Variants in DNER observed in about 807,000 individuals in gnomAD.
The protein encoded by DNER is delta and Notch-like epidermal growth factor-related receptor.
In DNER, 33 loss-of-function variants were observed where a neutral mutation model predicts 78.2. That is an observed-to-expected ratio of 0.42 (90% CI 0.32 to 0.56). DNER has a LOEUF of 0.56. Among genes scored for constraint, DNER ranks in the 20% least tolerant of loss-of-function variants. The pLI is 0.11. For synonymous variants in DNER, 417 were observed against 384.8 expected (o/e 1.08, Z -0.98); for missense variants, 918 against 975.3 (o/e 0.94, Z 0.78).
chr2:229,638,108 C>T (rs1306479641), intron 1 of DNER, among the ~76,000 whole-genome samples: 2 of 152,120 alleles, frequency 1.3e-5, no homozygotes, highest in Admixed American at 6.5e-5. Flanking sequence ...GAAAAAATTA[C>T]AGTGGTTTAT....
chr2:229,460,851 C>T (rs192091569), intron 7 of DNER, among the ~76,000 whole-genome samples: 58 of 143,872 alleles, frequency 4.0e-4, no homozygotes, highest in Admixed American at 1.0e-3. Flanking sequence ...CAAAATTTAA[C>T]GGAGACCACA....
At chr2:229,651,793 G>A (rs1190254836) in intron 1 of DNER, among the ~76,000 whole-genome samples, 1 of 152,208 alleles carries the variant, frequency 6.6e-6, no homozygotes, top group Non-Finnish European at 1.5e-5. Context: ...GAAGCAACTA[G>A]CAATCAAACA....
intron 11 of DNER, among the ~76,000 whole-genome samples, chr2:229,380,004 A>T (rs1692698868): frequency 6.6e-6 from 1 of 152,230 alleles, no homozygotes; most frequent in Non-Finnish European, 1.5e-5. Flanking sequence ...GGGGAGGCCT[A>T]TAACAATTAC....
chr2:229,491,941 TG>T (rs1030324756), intron 6 of DNER, among the ~76,000 whole-genome samples: 12 of 144,060 alleles, frequency 8.3e-5, no homozygotes, highest in Admixed American at 3.6e-4. Flanking sequence ...TTCCCATTTT[TG>T]CCATGATTAC....
chr2:229,460,721 G>A (rs1321544668), intron 7 of DNER, among the ~76,000 whole-genome samples: 2 of 152,072 alleles, frequency 1.3e-5, no homozygotes, highest in Non-Finnish European at 2.9e-5. Flanking sequence ...TTGATTGGTG[G>A]CTCTTAGCTA....
At chr2:229,666,514 C>T (rs1699094961) in intron 1 of DNER, among the ~76,000 whole-genome samples, 1 of 152,138 alleles carries the variant, frequency 6.6e-6, no homozygotes, top group Non-Finnish European at 1.5e-5. Context: ...GCAACCTAGG[C>T]AAGAGATAAA....
chr2:229,696,314 C>T (rs1014207178), intron 1 of DNER, among the ~76,000 whole-genome samples: 4 of 152,142 alleles, frequency 2.6e-5, no homozygotes, highest in African/African-American at 4.8e-5. Context: ...CGATGATTGA[C>T]GGGGAGGCTG....
intron 8 of DNER, among the ~76,000 whole-genome samples, chr2:229,436,406 A>G (rs1425424124): frequency 3.9e-5 from 6 of 152,240 alleles, no homozygotes; most frequent in Non-Finnish European, 8.8e-5. Context: ...CGCTGTGATG[A>G]ACATATGTAT....
chr2:229,675,010 T>C (rs1699278738), intron 1 of DNER, among the ~76,000 whole-genome samples: 1 of 152,062 alleles, frequency 6.6e-6, no homozygotes, highest in African/African-American at 2.4e-5. Context: ...AAAAATCACA[T>C]TGTTCTGGAA....
At chr2:229,695,172 C>T (rs1443236256) in intron 1 of DNER, among the ~76,000 whole-genome samples, 1 of 152,182 alleles carries the variant, frequency 6.6e-6, no homozygotes, top group Non-Finnish European at 1.5e-5. Flanking sequence ...CCTCCCCAGC[C>T]ATGCTGAACT....
intron 8 of DNER, among the ~76,000 whole-genome samples, chr2:229,444,323 T>G (rs1023247087): frequency 6.6e-6 from 1 of 152,146 alleles, no homozygotes; most frequent in Non-Finnish European, 1.5e-5. Flanking sequence ...TGCTCTGACA[T>G]ATAACTCTCC....
chr2:229,507,195 A>T (rs1258991697), intron 6 of DNER, among the ~76,000 whole-genome samples: 2 of 152,226 alleles, frequency 1.3e-5, no homozygotes, highest in Non-Finnish European at 2.9e-5. Context: ...ATATATCTAA[A>T]CATAGAAAAG....
intron 1 of DNER, among the ~76,000 whole-genome samples, chr2:229,643,995 GAC>G (rs1698670763): frequency 6.6e-6 from 1 of 152,110 alleles, no homozygotes; most frequent in African/African-American, 2.4e-5. Flanking sequence ...GCACCAAGCA[GAC>G]ACTCAGCAAA....
In DNER at chr2:229,646,798, C is replaced by T. The variant is rs557286478; in HGVS notation, c.277-54910G>A. On this transcript the variant is annotated intron_variant, in intron 1 of 12. Transcript: ENST00000341772. The stretch of plus-strand genomic sequence containing the variant: ...CAAGGTCCCTGCCTCATGGAACTTA[C>T]ATGCAGGAGGCCAGAGACAATAGAA... 1.1e-4 allele frequency among the ~76,000 whole-genome samples: 16 copies of T among 152,364 alleles called. No homozygotes were observed. In the South Asian group the frequency reaches 3.3e-3, roughly 32 times the overall value.
chr2:229,579,729 C>T (rs1697359720), intron 4 of DNER, among the ~76,000 whole-genome samples: 1 of 151,854 alleles, frequency 6.6e-6, no homozygotes, highest in African/African-American at 2.4e-5. Context: ...AAATTAGGAA[C>T]TTTTGCCTAA....
chr2:229,374,227 TTAGGGACTAC>T (rs1692550860), intron 11 of DNER, among the ~76,000 whole-genome samples: 1 of 150,374 alleles, frequency 6.7e-6, no homozygotes, highest in South Asian at 2.1e-4. Context: ...ACAATAGACA[TTAGGGACTAC>T]TAGGGAGTAA....
intron 1 of DNER, among the ~76,000 whole-genome samples, chr2:229,663,077 C>CT (rs1699034660): frequency 6.6e-6 from 1 of 152,170 alleles, no homozygotes; most frequent in Non-Finnish European, 1.5e-5. Context: ...GATGCTTGAT[C>CT]AGTTGAACTG....
chr2:229,674,019 G>A (rs1223068085), intron 1 of DNER, among the ~76,000 whole-genome samples: 2 of 152,218 alleles, frequency 1.3e-5, no homozygotes, highest in Non-Finnish European at 2.9e-5. Context: ...TCTCCCCAGT[G>A]AAGGTCTCCA....
intron 10 of DNER, among the ~76,000 whole-genome samples, chr2:229,398,451 C>T (rs1471516680): frequency 6.6e-6 from 1 of 152,030 alleles, no homozygotes; most frequent in African/African-American, 2.4e-5. Context: ...TTGATACAAT[C>T]GGTTGCAGAA....
Sources: gnomAD v4.1 joint callset for allele counts (sites outside exome capture counted in the v4.1 genomes callset) on GRCh38, gnomAD v4.1.1 for gene constraint, MANE v1.5 for transcripts, NCBI Gene and HGNC (gene_info 2026-07-23, HGNC 2026-07-21) for gene names.